The following RPSA2 variants were observed in gnomAD, a reference collection of about 807,000 sequenced individuals.
The protein encoded by RPSA2 is ribosomal protein SA 2.
the RPSA2 span, among the ~76,000 whole-genome samples, chr19:23,795,145 C>G: frequency 3.2e-3 from 477 of 148,276 alleles, 3 homozygotes; most frequent in African/African-American, 0.011. Context: ...TTATGATTAC[C>G]TTGGCTATTC....
chr19:23,799,471 TC>T, the RPSA2 span: 57 of 152,380 alleles, frequency 3.7e-4, no homozygotes, highest in African/African-American at 1.3e-3. Context: ...GAGGCTCTCT[TC>T]CTGCAGCTCA....
the RPSA2 span, among the ~76,000 whole-genome samples, chr19:23,870,505 C>G: frequency 1.5e-5 from 2 of 131,914 alleles, no homozygotes; most frequent in African/African-American, 5.7e-5. Context: ...TCCAACATCA[C>G]CTTTGACATT....
the RPSA2 span, chr19:23,833,052 C>T: frequency 3.7e-6 from 5 of 1,348,702 alleles, no homozygotes; most frequent in African/African-American, 6.0e-5. Context: ...GAAAGAAACC[C>T]TACAAGTGTG....
chr19:23,797,590 A>C, the RPSA2 span, among the ~76,000 whole-genome samples: 1 of 152,192 alleles, frequency 6.6e-6, no homozygotes, highest in Non-Finnish European at 1.5e-5. Flanking sequence ...GTAGATGTCT[A>C]TTAGGACTAT....
the RPSA2 span, among the ~76,000 whole-genome samples, chr19:23,805,520 G>T: frequency 1.3e-5 from 2 of 151,506 alleles, no homozygotes; most frequent in Non-Finnish European, 2.9e-5. Context: ...AATGGGTAGA[G>T]TTTTTCTGTC....
chr19:23,776,571 G>T, the RPSA2 span, among the ~76,000 whole-genome samples: 2 of 152,256 alleles, frequency 1.3e-5, no homozygotes, highest in Non-Finnish European at 2.9e-5. Context: ...GAGCCATTGT[G>T]ACATATCTCT....
the RPSA2 span, among the ~76,000 whole-genome samples, chr19:23,805,530 C>T: frequency 6.8e-6 from 1 of 147,694 alleles, no homozygotes. Context: ...GTTTTTCTGT[C>T]TTGGGCTTTC....
chr19:23,775,688 A>G, the RPSA2 span, among the ~76,000 whole-genome samples: 2 of 152,220 alleles, frequency 1.3e-5, no homozygotes. Context: ...AAGTGAATTC[A>G]GTCCAAAGGT....
At chr19:23,832,333 A>T in the RPSA2 span, 7 of 476,370 alleles carry the variant, frequency 1.5e-5, no homozygotes, top group East Asian at 1.2e-4. Context: ...CAAAGCATTT[A>T]TCTGGTCCTC....
the RPSA2 span, among the ~76,000 whole-genome samples, chr19:23,773,104 TA>T: frequency 2.5e-3 from 1 of 406 alleles, no homozygotes; most frequent in African/African-American, 3.3e-3. Context: ...TATATATATA[TA>T]TTTTTATTTT....
At chr19:23,776,082 TCTCAGAGC>T in the RPSA2 span, among the ~76,000 whole-genome samples, 3 of 152,146 alleles carry the variant, frequency 2.0e-5, no homozygotes, top group African/African-American at 7.2e-5. Context: ...TTGTAGTATA[TCTCAGAGC>T]CTTACACCCA....
the RPSA2 span, among the ~76,000 whole-genome samples, chr19:23,837,300 T>G: frequency 6.6e-6 from 1 of 152,096 alleles, no homozygotes; most frequent in Non-Finnish European, 1.5e-5. Context: ...CTGTAAGTAT[T>G]TGGGTTTATT....
At chr19:23,761,927 T>TCTTTCTCTCTCTCTCTCTCTCTC in the RPSA2 span, among the ~76,000 whole-genome samples, 2 of 62,352 alleles carry the variant, frequency 3.2e-5, no homozygotes, top group African/African-American at 1.4e-4. Context: ...TTTCTTTTTT[T>TCTTTCTCTCTCTCTCTCTCTCTC]TTTTTTTTGA....
At chr19:23,773,281 TA>T in the RPSA2 span, among the ~76,000 whole-genome samples, 6 of 69,152 alleles carry the variant, frequency 8.7e-5, no homozygotes, top group African/African-American at 3.2e-4. Flanking sequence ...TATATATATA[TA>T]TATATCAAAT....
chr19:23,763,221 C>A, the RPSA2 span: 1 of 152,988 alleles, frequency 6.5e-6, no homozygotes, highest in South Asian at 2.0e-4. Context: ...GCTCCCAGGT[C>A]GCCGACCTGA....
chr19:23,828,245 C>T, the RPSA2 span, among the ~76,000 whole-genome samples: 1 of 150,034 alleles, frequency 6.7e-6, no homozygotes, highest in African/African-American at 2.4e-5. Context: ...CCTTTATACT[C>T]ATATCAAATT....
chr19:23,805,712 G>C, the RPSA2 span, among the ~76,000 whole-genome samples: 1 of 152,136 alleles, frequency 6.6e-6, no homozygotes, highest in Non-Finnish European at 1.5e-5. Context: ...CTGACATCAA[G>C]AGCTGTGTCC....
chr19:23,795,316 G>A, the RPSA2 span, among the ~76,000 whole-genome samples: 1 of 151,580 alleles, frequency 6.6e-6, no homozygotes, highest in South Asian at 2.1e-4. Context: ...GTGTAAAGTT[G>A]TTTTCCATTT....
the RPSA2 span, among the ~76,000 whole-genome samples, chr19:23,782,742 G>A: frequency 6.6e-6 from 1 of 152,100 alleles, no homozygotes; most frequent in Admixed American, 6.6e-5. Flanking sequence ...GCTCCTGTGT[G>A]ATGTGACTCC....
Sources: allele counts gnomAD v4.1 joint callset (sites outside exome capture counted in the v4.1 genomes callset), GRCh38; gene constraint gnomAD v4.1.1; transcripts MANE v1.5; gene names NCBI Gene and HGNC (gene_info 2026-07-23, HGNC 2026-07-21).